OR3A2: variants seen among roughly 807,000 people sequenced by gnomAD.
OR3A2 encodes the protein olfactory receptor 3A2.
For missense variants in OR3A2, 318 were observed against 392.8 expected (o/e 0.81, Z 1.61); for synonymous variants, 126 against 159.3 (o/e 0.79, Z 1.57).
chr17:3,353,425 C>T (rs550144832), intron 2 of OR3A2, among the ~76,000 whole-genome samples: 2 of 151,898 alleles, frequency 1.3e-5, no homozygotes, highest in South Asian at 2.1e-4. Flanking sequence ...TGGACATTCT[C>T]GCTGTATTCT....
chr17:3,326,564 T>A (rs1012559531), intron 3 of OR3A2, among the ~76,000 whole-genome samples: 1 of 151,892 alleles, frequency 6.6e-6, no homozygotes, highest in Non-Finnish European at 1.5e-5. Context: ...CTTCTTTTTT[T>A]TATTATACTT....
In OR3A2 at chr17:3,278,183, GC is replaced by G; in HGVS notation, c.734del (p.Gly245AlafsTer19). 5 of 1,614,240 alleles carry G rather than the reference GC, an allele frequency of 3.1e-6. No individual in the cohort carries two copies. In the South Asian group the frequency reaches 5.5e-5, roughly 18 times the overall value. ...AAAGACAAACCACGGTGAGGTGGGA[GC>G]CACACGTGGAGAAGGCCTTCTTTCG... On this transcript the variant is annotated frameshift_variant, in exon 2 of 2. Transcript: ENST00000642052. LOFTEE classifies it low-confidence loss of function (END_TRUNC).
At position 3,292,057 on chromosome 17, in the gene OR3A2, C is replaced by T. The variant is rs146598637; in HGVS notation, c.-84-12904G>A. 140 of 1,614,078 alleles carry T rather than the reference C, an allele frequency of 8.7e-5. No individual in the cohort carries two copies. Among genetic ancestry groups the T allele is most frequent in the Admixed American group, 3.0e-4 (18 of 60,010 alleles). On this transcript the variant is annotated intron_variant, in intron 3 of 4. Coordinates refer to the OR3A2 transcript ENST00000573491. ...AGGTCACAGTAGAAGTGATTGATCA[C>T]ATTGGGGCCACAGAAGTTGAGCGTG...
At chr17:3,362,040 T>A (rs1311123065) in intron 2 of OR3A2, among the ~76,000 whole-genome samples, 2 of 151,756 alleles carry the variant, frequency 1.3e-5, no homozygotes, top group African/African-American at 2.4e-5. Context: ...TGAATCCGTC[T>A]AGTCCTGGAC....
rs751812666 is a variant in OR3A2, at chr17:3,311,237, T to C, written c.-85+24796A>G. On this transcript the variant is annotated intron_variant, in intron 3 of 4. Transcript: ENST00000573491. This position sits in a 1 kb window ranked among gnomAD's most constrained non-coding sequence, Gnocchi z 4.6. ...GGTGCATCAGTCACTGTTCCTCCGA[T>C]GCTGGCGTGTCTCCAGGCCCACCAG... 3.7e-6 allele frequency: 2 copies of C among 535,964 alleles called. No individual in the cohort carries two copies. The highest frequency in any genetic ancestry group is 1.1e-4 in the East Asian group (2 of 18,416). The allele number at this position is 535,964 out of a possible 1,614,324, so 33.2% of individuals were successfully genotyped here.
chr17:3,374,697 G>A (rs376865958), intron 2 of OR3A2, among the ~76,000 whole-genome samples: 1 of 152,098 alleles, frequency 6.6e-6, no homozygotes, highest in Non-Finnish European at 1.5e-5. Flanking sequence ...GGTCCTTCAA[G>A]ATTTTATTTA....
intron 2 of OR3A2, among the ~76,000 whole-genome samples, chr17:3,356,908 T>C (rs2049469590): frequency 6.6e-6 from 1 of 151,704 alleles, no homozygotes; most frequent in Non-Finnish European, 1.5e-5. Flanking sequence ...ACTAGAAGTT[T>C]CTCATTAAGT....
chr17:3,347,676 G>C (rs940140395), intron 2 of OR3A2, among the ~76,000 whole-genome samples: 3 of 152,172 alleles, frequency 2.0e-5, no homozygotes, highest in African/African-American at 4.8e-5. Flanking sequence ...CCAAGTCCTT[G>C]CTATTGTGAA....
At chr17:3,277,943 G>T (rs764222371) in exon 2 of OR3A2, 14 of 1,556,288 alleles carry the variant, frequency 9.0e-6, no homozygotes, top group Non-Finnish European at 1.2e-5. Flanking sequence ...TCCAGAAAAG[G>T]CAGGAAAGGA....
At chr17:3,372,089 G>A (rs2049632853) in intron 2 of OR3A2, among the ~76,000 whole-genome samples, 1 of 142,978 alleles carries the variant, frequency 7.0e-6, no homozygotes, top group African/African-American at 2.7e-5. Flanking sequence ...CAGGCGGAGG[G>A]TCTCCTCTCT....
In OR3A2 at chr17:3,339,476, A is replaced by G. The variant is rs1260613365; in HGVS notation, c.-178-3350T>C. 3.3e-5 allele frequency among the ~76,000 whole-genome samples: 5 copies of G among 152,194 alleles called. No individual in the cohort carries two copies. The East Asian group carries it at 9.6e-4, about 29-fold the overall frequency. ...TCAGTACCTAGCTTATTGAGTTTTT[A>G]GCATGAAAGGATGTTGAATTTTGTC... is the stretch of plus-strand genomic sequence containing the variant. On this transcript the variant is annotated intron_variant, in intron 2 of 4. Coordinates refer to the OR3A2 transcript ENST00000573491.
chr17:3,362,923 G>A (rs1179178478), intron 2 of OR3A2, among the ~76,000 whole-genome samples: 2 of 151,882 alleles, frequency 1.3e-5, no homozygotes, highest in Non-Finnish European at 2.9e-5. Flanking sequence ...AATGGCCTGA[G>A]CTGTACCTTG....
At chr17:3,376,136 T>C (rs1445676635) in intron 2 of OR3A2, among the ~76,000 whole-genome samples, 1 of 152,238 alleles carries the variant, frequency 6.6e-6, no homozygotes, top group South Asian at 2.1e-4. Flanking sequence ...GACCAGGGTG[T>C]TGCAAACAGT....
intron 3 of OR3A2, chr17:3,291,306 A>C (rs1355200118): frequency 8.6e-6 from 2 of 231,654 alleles, no homozygotes; most frequent in East Asian, 1.8e-4. Flanking sequence ...CTGGCAACTA[A>C]GGCTGTAACC....
intron 2 of OR3A2, among the ~76,000 whole-genome samples, chr17:3,377,079 C>A (rs2170688): frequency 0.15 from 23,054 of 152,182 alleles, 2,325 homozygotes; most frequent in African/African-American, 0.28. Flanking sequence ...TTTTCAGCTG[C>A]CTTGCAGAGT....
chr17:3,374,512 G>A (rs1382855319), intron 2 of OR3A2, among the ~76,000 whole-genome samples: 2 of 152,126 alleles, frequency 1.3e-5, no homozygotes, highest in African/African-American at 4.8e-5. Context: ...TTGTCAGATT[G>A]TGTTAATTTG....
intron 3 of OR3A2, among the ~76,000 whole-genome samples, chr17:3,318,066 G>A (rs1381257371): frequency 6.6e-6 from 1 of 152,134 alleles, no homozygotes; most frequent in Non-Finnish European, 1.5e-5. Context: ...ACAGGGTCTC[G>A]GGAGATATCT....
At chr17:3,370,540 T>C (rs966931343) in intron 2 of OR3A2, among the ~76,000 whole-genome samples, 4 of 152,226 alleles carry the variant, frequency 2.6e-5, no homozygotes, top group Non-Finnish European at 4.4e-5. Flanking sequence ...CTGATCTTTG[T>C]TATTTCTTTT....
chr17:3,370,566 G>C (rs181557561), intron 2 of OR3A2, among the ~76,000 whole-genome samples: 25 of 151,288 alleles, frequency 1.7e-4, no homozygotes, highest in African/African-American at 5.3e-4. Context: ...GCTGGGTTTG[G>C]GTTTCGTTTG....
Sources: gnomAD v4.1 joint callset for allele counts (sites outside exome capture counted in the v4.1 genomes callset) on GRCh38, gnomAD v4.1.1 for gene constraint, Gnocchi (gnomAD v3.1) non-coding constraint, MANE v1.5 for transcripts, NCBI Gene and HGNC (gene_info 2026-07-23, HGNC 2026-07-21) for gene names.